The following ATL3 variants were observed in gnomAD, a reference collection of about 807,000 sequenced individuals.
ATL3 encodes atlastin-3.
A neutral mutation model predicts 69.5 loss-of-function variants in ATL3; 49 were observed. That is an observed-to-expected ratio of 0.71 (90% CI 0.56 to 0.89). The LOEUF is 0.89. Ranked by LOEUF, ATL3 falls within the 40% of genes least tolerant of loss-of-function variation. ATL3 has a pLI of 0.00. For missense variants in ATL3, 606 were observed against 645.7 expected, an observed-to-expected ratio of 0.94 and a Z score of 0.67; for synonymous variants, 214 against 224.1, an observed-to-expected ratio of 0.95 and a Z score of 0.40.
At chr11:63,632,718 G>T (rs1008079255) in intron 11 of ATL3, 2 of 1,254,102 alleles carry the variant, frequency 1.6e-6, no homozygotes, top group Admixed American at 1.8e-5. Context: ...ATTTTCTGAT[G>T]ATTAGTAAGC....
chr11:63,629,433 A>T, intron 12 of ATL3, 28 bp from the exon 13 acceptor site: 1 of 1,578,386 alleles, frequency 6.3e-7, no homozygotes, highest in South Asian at 1.1e-5. Flanking sequence ...TTCAACATAT[A>T]AGTTAATAAA....
chr11:63,654,303 C>T (rs1307877039), intron 3 of ATL3, among the ~76,000 whole-genome samples: 44 of 151,118 alleles, frequency 2.9e-4, no homozygotes, highest in African/African-American at 9.8e-4. Flanking sequence ...CCCGCCACCA[C>T]GCCCAGCTAA....
intron 3 of ATL3, among the ~76,000 whole-genome samples, chr11:63,654,441 A>AG (rs1456022740): frequency 6.6e-6 from 1 of 151,946 alleles, no homozygotes; most frequent in African/African-American, 2.4e-5. Flanking sequence ...TCTGTTGCCC[A>AG]GGTTGGAGTA....
Position 63,671,372 on chromosome 11 carries a change from C to G in ATL3, c.-37G>C, listed in dbSNP as rs760678298. The G allele has an allele frequency of 1.3e-6, 2 of 1,563,372 alleles. No homozygotes were observed. Among genetic ancestry groups the G allele is most frequent in the South Asian group, 1.2e-5 (1 of 85,632 alleles). ...CTTCAAAGCAGAAGCAGCAGGGGTGCAGAGGAGAGGGACGGGTGCGGGCGG... is the reference window on the plus strand; with the variant it reads ...CTTCAAAGCAGAAGCAGCAGGGGTGGAGAGGAGAGGGACGGGTGCGGGCGG... On this transcript the variant is annotated 5_prime_UTR_variant, in exon 1 of 13. Transcript: ENST00000398868.
chr11:63,660,088 GA>G (rs1940376397), intron 1 of ATL3, among the ~76,000 whole-genome samples: 1 of 147,274 alleles, frequency 6.8e-6, no homozygotes, highest in South Asian at 2.2e-4. Flanking sequence ...CTGTCTCAAA[GA>G]AAAAAAGTAC....
Position 63,625,086 on chromosome 11 carries a change from A to G in ATL3, c.*4233T>C, listed in dbSNP as rs1317656386. 1 of 152,232 alleles carries G rather than the reference A, an allele frequency of 6.6e-6. No homozygotes were observed. The highest frequency in any genetic ancestry group is 1.9e-4 in the East Asian group (1 of 5,204). 9.4% of individuals were successfully genotyped at this position (152,232 alleles called of 1,614,324 possible). A position where few individuals can be genotyped will look rare whatever the true frequency, so the allele number is the denominator to read the frequency against. On this transcript the variant is annotated 3_prime_UTR_variant, in exon 13 of 13. Coordinates refer to ENST00000398868, the MANE Select transcript of ATL3 (RefSeq NM_015459.5). ...ATGCACTCCAAGGTAGATGAGAACC[A>G]CTACCCTAAACATAGCTACAACAGG... is the stretch of plus-strand genomic sequence containing the variant.
chr11:63,633,675 C>T (rs948354324), intron 10 of ATL3, among the ~76,000 whole-genome samples: 1 of 147,274 alleles, frequency 6.8e-6, no homozygotes, highest in Non-Finnish European at 1.5e-5. Context: ...TAAGCCACCA[C>T]ACCTGGCTCC....
chr11:63,657,178 C>T (rs1463329707), intron 3 of ATL3, among the ~76,000 whole-genome samples: 1 of 141,758 alleles, frequency 7.1e-6, no homozygotes, highest in Non-Finnish European at 1.5e-5. Context: ...CACTGCACTC[C>T]AGCCTGGGCA....
intron 6 of ATL3, among the ~76,000 whole-genome samples, chr11:63,645,562 GAC>G (rs1334145630): frequency 6.6e-6 from 1 of 151,766 alleles, no homozygotes; most frequent in East Asian, 1.9e-4. Flanking sequence ...GAGAGAGAGA[GAC>G]AGAGAGAGAC....
At chr11:63,658,645 C>T (rs1054780405) in intron 3 of ATL3, 116 bp downstream of exon 3, 2 of 1,202,272 alleles carry the variant, frequency 1.7e-6, no homozygotes, top group Non-Finnish European at 2.2e-6. Flanking sequence ...ACTTTTCTTA[C>T]TTTACCCATT....
intron 5 of ATL3, among the ~76,000 whole-genome samples, chr11:63,651,537 G>A (rs1004035512): frequency 6.6e-6 from 1 of 152,090 alleles, no homozygotes; most frequent in Non-Finnish European, 1.5e-5. Context: ...AGAATGAGTG[G>A]GACCTCACTG....
In ATL3 at chr11:63,635,535, T is replaced by A. The variant is rs201973274; in HGVS notation, c.1034A>T (p.Gln345Leu). ...TTAGGATGTCAAATCATTGTTTACC[T>A]GAAGCATGGACTTGGGGTGAGGCAG... is the stretch of plus-strand genomic sequence containing the variant. ...EDLPHPKSML[Q>L]ATAEANNLAA... The change falls in exon 10 of 13, where the codon CAG becomes CTG. Residue 345 changes from glutamine to leucine, a missense_variant and splice_region_variant. Gln to Leu is a moderately radical substitution (Grantham distance 113). Transcript: ENST00000398868. The A allele has an allele frequency of 5.6e-6, 9 of 1,611,616 alleles. 1 individual carries two copies. The highest frequency in any genetic ancestry group is 6.8e-6 in the Non-Finnish European group (8 of 1,177,946).
At chr11:63,644,434 G>C (rs1038013987) in intron 6 of ATL3, among the ~76,000 whole-genome samples, 173 bp from the exon 7 acceptor site, 2 of 147,780 alleles carry the variant, frequency 1.4e-5, no homozygotes, top group Non-Finnish European at 3.0e-5. Context: ...CCGTCACTAA[G>C]GCTAGAGTGC....
intron 10 of ATL3, among the ~76,000 whole-genome samples, chr11:63,635,222 C>T (rs1939475087): frequency 6.6e-6 from 1 of 151,994 alleles, no homozygotes; most frequent in Admixed American, 6.6e-5. Flanking sequence ...ATGACAAGAA[C>T]TTGCTTGTCT....
intron 3 of ATL3, among the ~76,000 whole-genome samples, chr11:63,657,039 G>A (rs1404532849): frequency 2.0e-5 from 3 of 151,564 alleles, no homozygotes; most frequent in African/African-American, 7.3e-5. Flanking sequence ...GTGAAACCCT[G>A]TCTCTACTAA....
chr11:63,629,261 G>A lies in ATL3; in HGVS notation c.*58C>T. 6.9e-7 allele frequency: 1 copy of A among 1,452,478 alleles called. No individual in the cohort carries two copies. The highest frequency in any genetic ancestry group is 9.7e-7 in the Non-Finnish European group (1 of 1,033,840). 90.0% of individuals were successfully genotyped at this position (1,452,478 alleles called of 1,614,324 possible). ...TGGATATGAACCTGTGGCCGTGGCA[G>A]AAACCCAGAAATCAGTAGGGGCTTG... On this transcript the variant is annotated 3_prime_UTR_variant, in exon 13 of 13. Transcript: ENST00000398868.
intron 5 of ATL3, among the ~76,000 whole-genome samples, chr11:63,651,561 A>G (rs1940081654): frequency 6.6e-6 from 1 of 152,108 alleles, no homozygotes; most frequent in Non-Finnish European, 1.5e-5. Context: ...CTCTGACTTC[A>G]TCACTTAACC....
chr11:63,642,571 T>A (rs1939734681), intron 8 of ATL3, among the ~76,000 whole-genome samples: 1 of 152,202 alleles, frequency 6.6e-6, no homozygotes, highest in African/African-American at 2.4e-5. Flanking sequence ...AGAACTTGGA[T>A]GTAGATCTAC....
rs765720770 is a variant in ATL3 at position 63,636,250 on chromosome 11, T to C, written c.935A>G (p.Asn312Ser). Residue 312 changes from asparagine (N) to serine (S), a missense_variant, in exon 9 of 13, where the codon AAT (asparagine) becomes AGT (serine). Transcript: ENST00000398868. ...NPSKLMEKEI[N>S]GSKVTCRGLL... ...TCCCCGACAGGTGACCTTTGAGCCA[T>C]TGATCTCCTTTTCCATTAACTTAGA... 3.2e-5 allele frequency: 51 copies of C among 1,614,156 alleles called. No individual in the cohort carries two copies. In the East Asian group the frequency reaches 3.8e-4, roughly 12 times the overall value.
Sources: allele counts gnomAD v4.1 joint callset (sites outside exome capture counted in the v4.1 genomes callset), GRCh38; gene constraint gnomAD v4.1.1; transcripts MANE v1.5; gene names NCBI Gene and HGNC (gene_info 2026-07-23, HGNC 2026-07-21).